TRERF1: variants seen among roughly 807,000 people sequenced by gnomAD.
TRERF1 encodes transcriptional regulating factor 1, also known as transcriptional-regulating factor 1.
In TRERF1, 27 loss-of-function variants were observed where a neutral mutation model predicts 122.9. The ratio of observed to expected loss-of-function variants is 0.22; its 90% CI spans 0.16 to 0.30. The LOEUF is 0.30. Ranked by LOEUF, TRERF1 falls within the 10% of genes least tolerant of loss-of-function variation. The pLI is 1.00. For missense variants in TRERF1, 1,248 were observed against 1,560.3 expected (o/e 0.80, Z 3.37); for synonymous variants, 636 against 641.7 (o/e 0.99, Z 0.13).
intron 13 of TRERF1, among the ~76,000 whole-genome samples, chr6:42,249,572 C>G (rs1239318933): frequency 6.6e-6 from 1 of 152,186 alleles, no homozygotes; most frequent in Non-Finnish European, 1.5e-5. Flanking sequence ...TTTAAGACTG[C>G]TGCTCTGTCA....
At chr6:42,419,307 T>C (rs1438343454) in intron 2 of TRERF1, among the ~76,000 whole-genome samples, 1 of 112,504 alleles carries the variant, frequency 8.9e-6, no homozygotes, top group African/African-American at 3.5e-5. Flanking sequence ...TCAGGTCACC[T>C]GCTTAGGCAC....
chr6:42,354,028 G>A (rs911724660), intron 3 of TRERF1, among the ~76,000 whole-genome samples: 1 of 152,150 alleles, frequency 6.6e-6, no homozygotes, highest in African/African-American at 2.4e-5. Context: ...TAGAATATAT[G>A]TACCCATTAC....
intron 2 of TRERF1, among the ~76,000 whole-genome samples, chr6:42,376,879 T>C (rs260234): frequency 0.023 from 3,457 of 150,956 alleles, 117 homozygotes; most frequent in African/African-American, 0.079. Flanking sequence ...ACAATTTTTT[T>C]TTTGAGACAG....
At chr6:42,264,769 G>C in exon 7 of TRERF1, 1 of 1,614,250 alleles carries the variant, frequency 6.2e-7, no homozygotes, top group Non-Finnish European at 8.5e-7. Flanking sequence ...AGGGCAGGCA[G>C]GTTCTTGAAC....
chr6:42,307,690 A>G (rs1196986289), intron 3 of TRERF1, among the ~76,000 whole-genome samples: 6 of 95,074 alleles, frequency 6.3e-5, no homozygotes, highest in African/African-American at 3.8e-4. Flanking sequence ...TAAATGTATG[A>G]AAAAAAAAAA....
At chr6:42,395,248 A>G (rs188855513) in intron 2 of TRERF1, among the ~76,000 whole-genome samples, 18 of 152,326 alleles carry the variant, frequency 1.2e-4, no homozygotes, top group Admixed American at 1.2e-3. Context: ...CTAAATGTAC[A>G]GCTCTATGGC....
intron 2 of TRERF1, among the ~76,000 whole-genome samples, chr6:42,392,609 T>C (rs1371586399): frequency 3.9e-5 from 6 of 152,160 alleles, no homozygotes; most frequent in African/African-American, 1.2e-4. Context: ...GCATAGATAC[T>C]ATGGGTCCCT....
chr6:42,315,015 G>A (rs1273137098), intron 3 of TRERF1, among the ~76,000 whole-genome samples: 4 of 152,200 alleles, frequency 2.6e-5, no homozygotes, highest in African/African-American at 7.2e-5. Context: ...GATGTGAGGA[G>A]AGAACGTTCA....
chr6:42,268,347 T>A lies in TRERF1; in HGVS notation c.1244A>T (p.Gln415Leu). 1 of 1,522,164 alleles carries A rather than the reference T, an allele frequency of 6.6e-7. No individual in the cohort carries two copies. 94.3% of individuals were successfully genotyped at this position (1,522,164 alleles called of 1,614,324 possible). Reference sequence around the variant, plus strand: ...ATGGGAGCTCAGCATGGCCTGGGCCTGTCTGTCACTAGAGTAGGTCTTCAG... The same window carrying A: ...ATGGGAGCTCAGCATGGCCTGGGCCAGTCTGTCACTAGAGTAGGTCTTCAG... Residue 415 changes from glutamine (Q) to leucine (L), a missense_variant, in exon 5 of 18, where the codon CAG becomes CTG. Physicochemically the swap from Gln to Leu is moderately radical, Grantham distance 113 (BLOSUM62 -2). Coordinates refer to ENST00000372922, the Ensembl canonical transcript of TRERF1. This position sits in a 1 kb window ranked among gnomAD's most constrained non-coding sequence, Gnocchi z 4.4.
intron 2 of TRERF1, among the ~76,000 whole-genome samples, chr6:42,421,773 AAATT>A (rs199561349): frequency 1.4e-4 from 22 of 151,974 alleles, no homozygotes; most frequent in Admixed American, 2.6e-4. Context: ...TGCTGTCTCA[AAATT>A]AATTAATTAA....
intron 3 of TRERF1, among the ~76,000 whole-genome samples, chr6:42,355,492 A>G (rs529857171): frequency 6.6e-6 from 1 of 152,340 alleles, no homozygotes; most frequent in Non-Finnish European, 1.5e-5. Flanking sequence ...TGAGACTGGT[A>G]TAGATCCTCC....
At chr6:42,450,337 T>C (rs1408504828) in intron 2 of TRERF1, among the ~76,000 whole-genome samples, 2 of 152,252 alleles carry the variant, frequency 1.3e-5, no homozygotes, top group Non-Finnish European at 2.9e-5. Context: ...GAGATATTTT[T>C]TAATGAACTC....
exon 16 of TRERF1, chr6:42,236,331 CTCT>C: frequency 6.3e-7 from 1 of 1,595,646 alleles, no homozygotes; most frequent in Non-Finnish European, 8.5e-7. Context: ...GCACCTCACT[CTCT>C]TCTTCTTTTG....
At chr6:42,280,388 G>T (rs938020752) in intron 4 of TRERF1, among the ~76,000 whole-genome samples, 5 of 152,206 alleles carry the variant, frequency 3.3e-5, no homozygotes, top group Non-Finnish European at 7.3e-5. Flanking sequence ...GCCTCACTCA[G>T]GTACCCATCT....
At chr6:42,299,126 CTA>C (rs1561938902) in intron 4 of TRERF1, among the ~76,000 whole-genome samples, 23 of 126,204 alleles carry the variant, frequency 1.8e-4, no homozygotes, top group African/African-American at 6.8e-4. Flanking sequence ...CTCTATCTAT[CTA>C]TCTATCTACA....
chr6:42,233,494 C>T (rs1020374222), intron 16 of TRERF1, among the ~76,000 whole-genome samples: 11 of 152,084 alleles, frequency 7.2e-5, no homozygotes, highest in South Asian at 6.2e-4. Flanking sequence ...ACCGTGTTAG[C>T]CAGGATGGTC....
Position 42,406,935 on chromosome 6 carries a change from C to G in TRERF1, c.-453-43856G>C, listed in dbSNP as rs113665558. ...AATAGTAACTGAAAAGCACAAAGAA[C>G]ATTTAAGCATTACATCTTAGGTCAT... On this transcript the variant is annotated intron_variant, in intron 2 of 17. Transcript: ENST00000372922. 9.5e-3 allele frequency among the ~76,000 whole-genome samples: 1,452 copies of G among 152,308 alleles called. 20 individuals are homozygous for G. The highest frequency in any genetic ancestry group is 0.032 in the African/African-American group (1,340 of 41,560).
At chr6:42,430,894 CA>C (rs11295004) in intron 2 of TRERF1, among the ~76,000 whole-genome samples, 112,763 of 122,346 alleles carry the variant, frequency 0.92, 52,171 homozygotes, top group Non-Finnish European at 0.97. Flanking sequence ...GACTCCATCT[CA>C]AAAAAAAAAA....
At chr6:42,428,686 A>T (rs566975444) in intron 2 of TRERF1, among the ~76,000 whole-genome samples, 1 of 152,378 alleles carries the variant, frequency 6.6e-6, no homozygotes, top group East Asian at 1.9e-4. Context: ...GGAGATTAAC[A>T]GTTGAAGCCT....
Sources: allele counts gnomAD v4.1 joint callset (sites outside exome capture counted in the v4.1 genomes callset), GRCh38; gene constraint gnomAD v4.1.1; non-coding constraint Gnocchi (gnomAD v3.1); transcripts MANE v1.5; gene names NCBI Gene and HGNC (gene_info 2026-07-23, HGNC 2026-07-21).